BSN: variants seen among roughly 807,000 people sequenced by gnomAD.
BSN encodes the protein protein bassoon.
Under a neutral mutation model 264.8 loss-of-function variants are expected in BSN, and 57 were observed. The ratio of observed to expected loss-of-function variants is 0.22; its 90% CI spans 0.17 to 0.27. BSN has a LOEUF of 0.27. Ranked by LOEUF, BSN falls within the 10% of genes least tolerant of loss-of-function variation. BSN has a pLI of 1.00. For synonymous variants in BSN, 2,059 were observed against 2,137.3 expected (o/e 0.96, Z 1.01); for missense variants, 4,615 against 5,232.5 (o/e 0.88, Z 3.64).
chr3:49,655,095 G>A lies in BSN; in HGVS notation c.5539G>A (p.Ala1847Thr), dbSNP rs780890448. ...TGCCGAGCCCCACCGGGCCACCCCT[G>A]CAGAGCTGCGGTCACATGCTCTGCC... ...PGAEPHRATP[A>T]ELRSHALPGA... is the part of the protein sequence containing the mutation. Residue 1847 changes from alanine (A) to threonine (T), a missense_variant, in exon 5 of 12, where the codon GCA (alanine) becomes ACA (threonine). Physicochemically the swap from Ala to Thr is moderately conservative, Grantham distance 58 (BLOSUM62 0). Transcript: ENST00000296452. 7 of 1,612,858 alleles carry A rather than the reference G, an allele frequency of 4.3e-6. No individual in the cohort carries two copies. The highest frequency in any genetic ancestry group is 1.6e-4 in the Middle Eastern group (1 of 6,062).
Position 49,654,040 on chromosome 3 carries a change from A to T in BSN, c.4484A>T (p.Lys1495Met), listed in dbSNP as rs1305565196. ...GAGAGTCCCACATTCTCCCCTGGCA[A>T]GATGGGCCCAAGGGCCACAGCAGAG... ...PSESPTFSPG[K>M]MGPRATAEFS... Residue 1495 changes from lysine (K) to methionine (M), a missense_variant, in exon 5 of 12, where the codon AAG becomes ATG. Lys to Met is a moderately conservative substitution (Grantham distance 95). Coordinates refer to ENST00000296452, the MANE Select transcript of BSN (RefSeq NM_003458.4). This position sits in a 1 kb window ranked among gnomAD's most constrained non-coding sequence, Gnocchi z 4.1. 1 of 1,613,588 alleles carries T rather than the reference A, an allele frequency of 6.2e-7. No individual in the cohort carries two copies.
chr3:49,603,989 C>T (rs1031008115), intron 1 of BSN, among the ~76,000 whole-genome samples: 4 of 152,070 alleles, frequency 2.6e-5, no homozygotes, highest in Non-Finnish European at 4.4e-5. Context: ...TTTTAAGGTT[C>T]ATCCACATTG....
chr3:49,562,341 A>G (rs1401409857), intron 1 of BSN, among the ~76,000 whole-genome samples: 2 of 152,226 alleles, frequency 1.3e-5, no homozygotes, highest in East Asian at 3.8e-4. Context: ...AGTGTGAGGA[A>G]TAAAAGAAGG....
intron 11 of BSN, among the ~76,000 whole-genome samples, chr3:49,666,103 A>C (rs778743768): frequency 2.6e-5 from 4 of 152,246 alleles, no homozygotes; most frequent in Non-Finnish European, 5.9e-5. Flanking sequence ...CCATCATCCC[A>C]TAGCCCTCGG....
rs757439814 is a variant in BSN at position 49,654,544 on chromosome 3, C to T, written c.4988C>T (p.Thr1663Ile). ...GAGCCAGGCCCCAGGACCCCTGGCA[C>T]TGCAGTGGTAGACCTCCGTACAGCT... ...RVEPGPRTPG[T>I]AVVDLRTAVK... The change falls in exon 5 of 12, where the codon ACT becomes ATT. Residue 1663 changes from threonine to isoleucine, a missense_variant. Around this residue, in one of 3 missense-constraint regions of BSN, gnomAD observed 3,415 missense variants for 3,866.4 expected, o/e 0.88. Transcript: ENST00000296452. The surrounding 1 kb of genome is among the most constrained non-coding windows in gnomAD (Gnocchi z 4.1). The T allele has an allele frequency of 3.7e-6, 6 of 1,610,480 alleles. No homozygotes were observed. In the South Asian group the frequency reaches 6.6e-5, roughly 18 times the overall value.
At position 49,584,121 on chromosome 3, in the gene BSN, G is replaced by A. The variant is rs139152156; in HGVS notation, c.224+29295G>A. Among the ~76,000 whole-genome samples, 1,409 of 152,088 alleles carry A rather than the reference G, an allele frequency of 9.3e-3. 27 individuals carry two copies. Among genetic ancestry groups the A allele is most frequent in the African/African-American group, 0.031 (1,286 of 41,502 alleles). On this transcript the variant is annotated intron_variant, in intron 1 of 11. Coordinates refer to ENST00000296452, the MANE Select transcript of BSN (RefSeq NM_003458.4). ...AGGAGGGTCTCGATCTCCTGACCTC[G>A]TGATCCACCCACCTCGGCTTCCCAA...
rs760508562 is a variant in BSN at position 49,651,825 on chromosome 3, C to A, written c.2269C>A (p.Gln757Lys). The A allele has an allele frequency of 7.4e-6, 12 of 1,613,756 alleles. 1 individual carries two copies. Among genetic ancestry groups the A allele is most frequent in the Non-Finnish European group, 1.7e-6 (2 of 1,180,058 alleles). Residue 757 changes from glutamine (Q) to lysine (K), a missense_variant, in exon 5 of 12, where the codon CAG becomes AAG. This residue lies in a region of BSN where 1,197 missense variants were observed against 1,348.0 expected (regional missense o/e 0.89). Coordinates refer to ENST00000296452, the MANE Select transcript of BSN (RefSeq NM_003458.4). The surrounding 1 kb of genome is among the most constrained non-coding windows in gnomAD (Gnocchi z 5.4). The stretch of plus-strand genomic sequence containing the variant: ...ACTCTCCAGCGGTACTGGCGAGGAG[C>A]AGAAGCAGCGGCCCCACTCCTTGTC... Reference protein sequence around the residue: ...KPLSSGTGEEQKQRPHSLSIT... With the variant: ...KPLSSGTGEEKKQRPHSLSIT...
chr3:49,590,863 T>G (rs1232353926), intron 1 of BSN, among the ~76,000 whole-genome samples: 1 of 152,056 alleles, frequency 6.6e-6, no homozygotes, highest in Non-Finnish European at 1.5e-5. Context: ...CCCAACACTT[T>G]GGGAGGCCGA....
rs767037371 is a variant in BSN, at chr3:49,656,424, G to A, written c.6868G>A (p.Ala2290Thr). Residue 2290 changes from alanine to threonine, a missense_variant, in exon 5 of 12, where the codon GCC (alanine) becomes ACC (threonine). By Grantham distance (58) the Ala-to-Thr change is moderately conservative. This residue lies in a region of BSN where 3,415 missense variants were observed against 3,866.4 expected (regional missense o/e 0.88). Coordinates refer to ENST00000296452, the MANE Select transcript of BSN (RefSeq NM_003458.4). ...TCTGGGGAAACCTGCTGCTGCCAAGGCCCCTGGGGCTGGGGGCCCTTCAAG... is the reference window on the plus strand; with the variant it reads ...TCTGGGGAAACCTGCTGCTGCCAAGACCCCTGGGGCTGGGGGCCCTTCAAG... The part of the protein sequence containing the change: ...VYLGKPAAAK[A>T]PGAGGPSRPE... 8.2e-6 allele frequency: 13 copies of A among 1,589,318 alleles called. No homozygotes were observed. The highest frequency in any genetic ancestry group is 1.1e-5 in the Non-Finnish European group (13 of 1,167,328).
intron 10 of BSN, 70 bp downstream of exon 10, chr3:49,664,923 T>C: frequency 9.5e-7 from 1 of 1,057,492 alleles, no homozygotes. Context: ...GGGGTGGGGC[T>C]CTAAGTCCGA....
rs574062826 is a variant in BSN, at chr3:49,652,753, G to A, written c.3197G>A (p.Arg1066His). The A allele has an allele frequency of 2.0e-5, 31 of 1,554,958 alleles. No individual in the cohort carries two copies. Among genetic ancestry groups the A allele is most frequent in the Middle Eastern group, 1.7e-4 (1 of 5,752 alleles). Residue 1066 changes from arginine (R) to histidine (H), a missense_variant, in exon 5 of 12, where the codon CGC becomes CAC. Physicochemically the swap from Arg to His is conservative, Grantham distance 29. This residue lies in a region of BSN where 3,415 missense variants were observed against 3,866.4 expected (regional missense o/e 0.88). Transcript: ENST00000296452. ...AAGATGCGGGAGGTGGAGCAGCAGC[G>A]CATCCGCAGCACGGCCCGCAAGACC... ...QEKMREVEQQ[R>H]IRSTARKTRR...
Position 49,656,613 on chromosome 3 carries a change from G to T in BSN, c.7057G>T (p.Gly2353Trp). The change falls in exon 5 of 12, where the codon GGG becomes TGG. Residue 2353 changes from glycine to tryptophan, a missense_variant. Gly to Trp is a radical substitution (Grantham distance 184). Transcript: ENST00000296452. Reference sequence around the variant, plus strand: ...TGGCAGTGGGGCCCTCAGCCGGCCAGGGTTCGAGAAAGAGGAAGCATCACA... The same window carrying T: ...TGGCAGTGGGGCCCTCAGCCGGCCATGGTTCGAGAAAGAGGAAGCATCACA... ...GGGSGALSRPGFEKEEASQEE... is the reference protein window; with the variant it reads ...GGGSGALSRPWFEKEEASQEE... 6.2e-7 allele frequency: 1 copy of T among 1,607,188 alleles called. No homozygotes were observed.
At chr3:49,613,303 CGAGAGAGAGAGAGAGAGAGAGA>C (rs752108805) in intron 1 of BSN, among the ~76,000 whole-genome samples, 4 of 47,330 alleles carry the variant, frequency 8.5e-5, no homozygotes, top group Admixed American at 3.7e-4. Context: ...ACACACAGAG[CGAGAGAGAGAGAGAGAGAGAGA>C]GAGAGAGAGA....
intron 1 of BSN, among the ~76,000 whole-genome samples, chr3:49,562,632 G>A (rs1244688246): frequency 6.6e-6 from 1 of 152,226 alleles, no homozygotes; most frequent in Non-Finnish European, 1.5e-5. Flanking sequence ...TAAGAGGAGT[G>A]ATGTAGAAGA....
intron 5 of BSN, among the ~76,000 whole-genome samples, chr3:49,659,814 G>A (rs1331142796): frequency 3.9e-5 from 6 of 152,172 alleles, no homozygotes; most frequent in Non-Finnish European, 8.8e-5. Flanking sequence ...TTGACCGAGG[G>A]ACATGGAGGG....
intron 11 of BSN, among the ~76,000 whole-genome samples, chr3:49,667,081 C>CACAG (rs914890166): frequency 7.9e-5 from 12 of 152,168 alleles, no homozygotes; most frequent in African/African-American, 2.4e-4. Flanking sequence ...GAAGCACAGA[C>CACAG]ACAGCTTTGT....
At chr3:49,555,714 C>T (rs1378318172) in intron 1 of BSN, among the ~76,000 whole-genome samples, 1 of 152,192 alleles carries the variant, frequency 6.6e-6, no homozygotes, top group Non-Finnish European at 1.5e-5. Flanking sequence ...AGGAAAACTA[C>T]TAAGAGATGA....
rs564630052 is a variant in BSN at position 49,651,130 on chromosome 3, A to G, written c.1986+51A>G. 3.9e-6 allele frequency: 6 copies of G among 1,545,490 alleles called. No homozygotes were observed. In the African/African-American group the frequency reaches 4.2e-5, roughly 11 times the overall value. On this transcript the variant is annotated intron_variant, in intron 4 of 11. Transcript: ENST00000296452. The surrounding 1 kb of genome is among the most constrained non-coding windows in gnomAD (Gnocchi z 5.4). ...CCCTAGCTTTCAGACAGGACAGTCT[A>G]TGGAAAGGCTTGCCTCCCTGGGTGG...
At chr3:49,648,271 G>C (rs1324337996) in intron 3 of BSN, among the ~76,000 whole-genome samples, 2 of 152,216 alleles carry the variant, frequency 1.3e-5, no homozygotes, top group Admixed American at 6.5e-5. Context: ...GAGTTTGCCA[G>C]GCCACCAAGG....
Sources: gnomAD v4.1 joint callset for allele counts (sites outside exome capture counted in the v4.1 genomes callset) on GRCh38, gnomAD v4.1.1 for gene constraint, gnomAD v4.1.1 regional missense constraint, Gnocchi (gnomAD v3.1) non-coding constraint, MANE v1.5 for transcripts, NCBI Gene and HGNC (gene_info 2026-07-23, HGNC 2026-07-21) for gene names.